SVOPL: variants seen among roughly 807,000 people sequenced by gnomAD.
SVOPL encodes the protein SVOP like.
Under a neutral mutation model 61.0 loss-of-function variants are expected in SVOPL, and 60 were observed. The ratio of observed to expected loss-of-function variants is 0.98; its 90% CI spans 0.80 to 1.22. SVOPL has a LOEUF of 1.22. SVOPL is among the 50% of genes most tolerant of loss of function. The pLI, the probability that SVOPL is intolerant of heterozygous loss-of-function variation, is 0.00. For missense variants in SVOPL, 662 were observed against 643.9 expected, an observed-to-expected ratio of 1.03 and a Z score of -0.30; for synonymous variants, 279 against 250.0, an observed-to-expected ratio of 1.12 and a Z score of -1.09.
chr7:138,597,641 CGTGT>C (rs60875635), intron 14 of SVOPL, among the ~76,000 whole-genome samples: 24 of 147,608 alleles, frequency 1.6e-4, no homozygotes, highest in African/African-American at 2.5e-4. Context: ...ATAACGTCTG[CGTGT>C]GTGTGTGTGT....
At chr7:138,638,245 C>T (rs1800595407) in intron 9 of SVOPL, among the ~76,000 whole-genome samples, 1 of 136,220 alleles carries the variant, frequency 7.3e-6, no homozygotes, top group Non-Finnish European at 1.5e-5. Context: ...TGTACTCTAG[C>T]CTGGGCAGCA....
At chr7:138,620,687 C>T (rs1364908235) in intron 14 of SVOPL, among the ~76,000 whole-genome samples, 2 of 152,138 alleles carry the variant, frequency 1.3e-5, no homozygotes, top group African/African-American at 2.4e-5. Context: ...TTTACAGTTG[C>T]CACCTGGACA....
chr7:138,609,100 C>T (rs910925864), intron 14 of SVOPL, among the ~76,000 whole-genome samples: 1 of 152,106 alleles, frequency 6.6e-6, no homozygotes, highest in Non-Finnish European at 1.5e-5. Flanking sequence ...TAAGAACATT[C>T]AGTACCATTC....
At chr7:138,682,643 C>G (rs991199612) in intron 1 of SVOPL, among the ~76,000 whole-genome samples, 2 of 152,158 alleles carry the variant, frequency 1.3e-5, no homozygotes, top group Non-Finnish European at 2.9e-5. Flanking sequence ...GATGTTCATT[C>G]AAACAAATCA....
At chr7:138,612,735 G>A (rs969895883) in intron 14 of SVOPL, among the ~76,000 whole-genome samples, 2 of 151,910 alleles carry the variant, frequency 1.3e-5, no homozygotes, top group Admixed American at 6.6e-5. Context: ...GGCTGGTCTC[G>A]AACTCCTGAC....
intron 8 of SVOPL, among the ~76,000 whole-genome samples, chr7:138,646,794 C>CA (rs1253572285): frequency 6.6e-6 from 1 of 152,192 alleles, no homozygotes; most frequent in Non-Finnish European, 1.5e-5. Context: ...GCTGGGATTA[C>CA]AAACATGAGC....
At chr7:138,615,285 C>A (rs973874925) in intron 14 of SVOPL, among the ~76,000 whole-genome samples, 1 of 152,024 alleles carries the variant, frequency 6.6e-6, no homozygotes, top group East Asian at 1.9e-4. Flanking sequence ...AGGCTGGGCA[C>A]GATGGCTCAC....
chr7:138,594,918 A>G (rs1187586887), intron 15 of SVOPL, among the ~76,000 whole-genome samples: 4 of 151,338 alleles, frequency 2.6e-5, no homozygotes, highest in Admixed American at 2.6e-4. Context: ...GTCTGTGTAT[A>G]TATATAACTT....
At position 138,678,958 on chromosome 7, in the gene SVOPL, T is replaced by C; in HGVS notation, c.82+6A>G. The C allele has an allele frequency of 6.4e-7, 1 of 1,551,324 alleles. No homozygotes were observed. The highest frequency in any genetic ancestry group is 2.4e-5 in the East Asian group (1 of 40,912). On this transcript the variant is annotated splice_donor_region_variant and intron_variant, in intron 2 of 15. Transcript: ENST00000674285. ...GTTGAGCTGGAGACTTCTATGATAA[T>C]CTCACCTTTAACCTGTGGCTCTGCG...
At chr7:138,648,531 TCC>T (rs1374128743) in intron 8 of SVOPL, among the ~76,000 whole-genome samples, 163 of 63,064 alleles carry the variant, frequency 2.6e-3, no homozygotes, top group African/African-American at 0.01. Context: ...CTACTAAAAA[TCC>T]AAAAAAAAAA....
intron 4 of SVOPL, among the ~76,000 whole-genome samples, chr7:138,669,257 C>T (rs969482725): frequency 4.6e-5 from 7 of 152,080 alleles, no homozygotes; most frequent in Non-Finnish European, 7.4e-5. Context: ...AGAGACTAGC[C>T]TCTTCAAATT....
chr7:138,663,843 G>T lies in SVOPL; in HGVS notation c.274-698C>A, dbSNP rs148412229. 4.3e-3 allele frequency among the ~76,000 whole-genome samples: 647 copies of T among 152,224 alleles called. 1 individual carries two copies. The highest frequency in any genetic ancestry group is 0.015 in the African/African-American group (614 of 41,522). On this transcript the variant is annotated intron_variant, in intron 4 of 15. Coordinates refer to ENST00000674285, the MANE Select transcript of SVOPL (RefSeq NM_001139456.2). ...GCAATCAAAGGAATGCTGTCAGCTC[G>T]CATTTCTAGGGGAAAACAAAACAAA...
chr7:138,611,879 C>T (rs1288581529), intron 14 of SVOPL, among the ~76,000 whole-genome samples: 11 of 77,772 alleles, frequency 1.4e-4, no homozygotes, highest in Admixed American at 6.1e-4. Flanking sequence ...CCGGCCGCCA[C>T]CCCGTCTGGG....
intron 14 of SVOPL, among the ~76,000 whole-genome samples, chr7:138,611,882 C>G (rs1283778116): frequency 1.6e-4 from 12 of 73,836 alleles, no homozygotes; most frequent in African/African-American, 3.3e-4. Flanking sequence ...GCCGCCACCC[C>G]GTCTGGGAGG....
chr7:138,696,605 G>A (rs1003082350), intron 1 of SVOPL, among the ~76,000 whole-genome samples: 2 of 151,880 alleles, frequency 1.3e-5, no homozygotes, highest in African/African-American at 4.8e-5. Context: ...TGTATTTTTG[G>A]TAGAGATGGG....
At chr7:138,602,955 TAGATATAC>T (rs1296434448) in intron 14 of SVOPL, among the ~76,000 whole-genome samples, 1 of 152,148 alleles carries the variant, frequency 6.6e-6, no homozygotes, top group East Asian at 1.9e-4. Context: ...TATATCTAGA[TAGATATAC>T]AGATATTCAT....
intron 4 of SVOPL, among the ~76,000 whole-genome samples, chr7:138,664,796 T>C: frequency 1.1e-5 from 1 of 94,378 alleles, no homozygotes; most frequent in African/African-American, 4.2e-5. Context: ...CCCCAGCTCT[T>C]CCTCCTCCGC....
chr7:138,692,655 A>C (rs1802968902), intron 1 of SVOPL, among the ~76,000 whole-genome samples: 1 of 152,190 alleles, frequency 6.6e-6, no homozygotes, highest in African/African-American at 2.4e-5. Context: ...AAGAAAATAA[A>C]ATTCCTTTTG....
chr7:138,678,621 A>G, intron 2 of SVOPL, 96 bp from the exon 3 acceptor site: 2 of 1,211,136 alleles, frequency 1.7e-6, no homozygotes, highest in Non-Finnish European at 2.3e-6. Flanking sequence ...TATTATAAAA[A>G]CAAGTTAATA....
Sources: gnomAD v4.1 joint callset for allele counts (sites outside exome capture counted in the v4.1 genomes callset) on GRCh38, gnomAD v4.1.1 for gene constraint, MANE v1.5 for transcripts, NCBI Gene and HGNC (gene_info 2026-07-23, HGNC 2026-07-21) for gene names.